Variants in MAST1 observed in about 807,000 individuals in gnomAD.
The protein encoded by MAST1 is microtubule associated serine/threonine kinase 1, also known as microtubule-associated serine/threonine-protein kinase 1.
Under a neutral mutation model 124.6 loss-of-function variants are expected in MAST1, and 40 were observed. The ratio of observed to expected loss-of-function variants is 0.32; its 90% confidence interval spans 0.25 to 0.42. MAST1 has a LOEUF of 0.42. Among genes scored for constraint, MAST1 ranks in the 10% least tolerant of loss-of-function variants. MAST1 has a pLI of 1.00. For synonymous variants in MAST1, 938 were observed against 939.4 expected, an observed-to-expected ratio of 1.00 and a Z score of 0.03; for missense variants, 1,558 against 2,181.9, an observed-to-expected ratio of 0.71 and a Z score of 5.70.
rs368832327 is a variant in MAST1 at position 12,867,658 on chromosome 19, C to A, written c.2318+6C>A. On this transcript the variant is annotated splice_donor_region_variant and intron_variant, in intron 19 of 25. Coordinates refer to ENST00000251472, the MANE Select transcript of MAST1 (RefSeq NM_014975.3). ...AGAGGGGGCTCTCCGGAGATGTGAG[C>A]AGGGGAATGGCGGAGTTTGGGGGCG... 2.5e-6 allele frequency: 4 copies of A among 1,577,066 alleles called. No homozygotes were observed. Among genetic ancestry groups the A allele is most frequent in the Non-Finnish European group, 3.4e-6 (4 of 1,162,038 alleles).
chr19:12,870,749 C>T lies in MAST1; in HGVS notation c.3004-75C>T. The stretch of plus-strand genomic sequence containing the variant: ...TTCTAATGCATGCAGAGCTAAGTGT[C>T]CTGCATATAAGTTTAGGAGCTTTCC... On this transcript the variant is annotated intron_variant, in intron 22 of 25. Coordinates refer to ENST00000251472, the MANE Select transcript of MAST1 (RefSeq NM_014975.3). 2.1e-6 allele frequency: 3 copies of T among 1,439,058 alleles called. No homozygotes were observed. In the South Asian group the frequency reaches 4.1e-5, roughly 20 times the overall value. 89.1% of individuals were successfully genotyped at this position (1,439,058 alleles called of 1,614,324 possible).
rs893142404 is a variant in MAST1 at position 12,867,744 on chromosome 19, C to T, written c.2333C>T (p.Ala778Val). Residue 778 changes from alanine to valine, a missense_variant, in exon 20 of 26, where the codon GCG becomes GTG. This residue lies in a region of MAST1 where 287 missense variants were observed against 308.0 expected (regional missense o/e 0.93). Transcript: ENST00000251472. ...GGSPEIKRFS[A>V]SEASFLEGEA... The stretch of plus-strand genomic sequence containing the variant: ...CCTCCATGCAGCAAGCGATTCTCCG[C>T]GTCCGAGGCCAGTTTCCTGGAGGGA... The T allele has an allele frequency of 1.1e-5, 17 of 1,532,066 alleles. No homozygotes were observed. The highest frequency in any genetic ancestry group is 1.2e-5 in the Non-Finnish European group (14 of 1,140,052). The allele number at this position is 1,532,066 out of a possible 1,614,324, so 94.9% of individuals were successfully genotyped here. A position where few individuals can be genotyped will look rare whatever the true frequency, so the allele number is the denominator to read the frequency against.
At chr19:12,852,287 G>A in intron 9 of MAST1, 40 bp downstream of exon 9, 1 of 1,614,042 alleles carries the variant, frequency 6.2e-7, no homozygotes, top group Non-Finnish European at 8.5e-7. Flanking sequence ...GGGTGAGCAG[G>A]CCCAGAACCC....
chr19:12,854,185 G>A (rs190155239), intron 10 of MAST1, among the ~76,000 whole-genome samples: 13 of 148,864 alleles, frequency 8.7e-5, no homozygotes, highest in Admixed American at 1.4e-4. Context: ...GTGCAATGGC[G>A]TGATCTCGGC....
At chr19:12,868,614 A>G in intron 20 of MAST1, 29 bp from the exon 21 acceptor site, 1 of 1,544,000 alleles carries the variant, frequency 6.5e-7, no homozygotes, top group Non-Finnish European at 8.8e-7. Flanking sequence ...CCTTGGACTA[A>G]TTCCTAACAC....
At position 12,868,486 on chromosome 19, in the gene MAST1, C is replaced by G. The variant is rs544407874; in HGVS notation, c.2567-157C>G. The stretch of plus-strand genomic sequence containing the variant: ...ATACAGACCGATACAGACTATGTCT[C>G]TATATGAGGAGCAGTGAGGCATGCA... On this transcript the variant is annotated intron_variant, in intron 20 of 25. Transcript: ENST00000251472. 31 of 626,808 alleles carry G rather than the reference C, an allele frequency of 4.9e-5. 1 individual carries two copies. In the South Asian group the frequency reaches 5.7e-4, roughly 12 times the overall value. The allele number at this position is 626,808 out of a possible 1,614,324, so 38.8% of individuals were successfully genotyped here. A position where few individuals can be genotyped will look rare whatever the true frequency, so the allele number is the denominator to read the frequency against.
At chr19:12,861,212 T>C (rs1396222551) in intron 12 of MAST1, among the ~76,000 whole-genome samples, 1 of 151,890 alleles carries the variant, frequency 6.6e-6, no homozygotes, top group Non-Finnish European at 1.5e-5. Flanking sequence ...AAGGCGCGCC[T>C]CCACCATGCC....
chr19:12,871,347 G>T (rs773494504), intron 24 of MAST1, among the ~76,000 whole-genome samples, 175 bp downstream of exon 24: 1 of 152,126 alleles, frequency 6.6e-6, no homozygotes, highest in Admixed American at 6.5e-5. Context: ...GGTGGCTCAC[G>T]CCTGTAACCC....
chr19:12,862,075 G>T (rs1970091317), intron 12 of MAST1, among the ~76,000 whole-genome samples: 1 of 150,164 alleles, frequency 6.7e-6, no homozygotes, highest in Non-Finnish European at 1.5e-5. Flanking sequence ...GGTGATCTCG[G>T]ATTACTGCAG....
Position 12,841,394 on chromosome 19 carries a change from C to G in MAST1, c.248+328C>G, listed in dbSNP as rs1476287274. On this transcript the variant is annotated intron_variant, in intron 3 of 25. Coordinates refer to ENST00000251472, the MANE Select transcript of MAST1 (RefSeq NM_014975.3). This position sits in a 1 kb window ranked among gnomAD's most constrained non-coding sequence, Gnocchi z 4.3. ...TTCCATAGCAACAGGACGGGGCAGC[C>G]AAGATGACGTGCGCAAGCGCAGATT... Among the ~76,000 whole-genome samples, 1 of 152,260 alleles carries G rather than the reference C, an allele frequency of 6.6e-6. No individual in the cohort carries two copies. Among genetic ancestry groups the G allele is most frequent in the Non-Finnish European group, 1.5e-5 (1 of 68,044 alleles).
intron 12 of MAST1, among the ~76,000 whole-genome samples, chr19:12,861,690 CTTTCTTT>C (rs1970085529): frequency 7.4e-6 from 1 of 134,944 alleles, no homozygotes; most frequent in African/African-American, 2.8e-5. Context: ...CTCTTTCTTT[CTTTCTTT>C]CTTTCTTTCT....
chr19:12,844,845 G>A (rs1411684047), intron 4 of MAST1, among the ~76,000 whole-genome samples: 2 of 152,124 alleles, frequency 1.3e-5, no homozygotes, highest in Non-Finnish European at 2.9e-5. Flanking sequence ...GGGAAGCCAT[G>A]GAATGGTTTT....
chr19:12,856,339 G>A (rs1201401615), intron 10 of MAST1, among the ~76,000 whole-genome samples: 1 of 121,154 alleles, frequency 8.3e-6, no homozygotes, highest in Admixed American at 9.0e-5. Flanking sequence ...TTCCACTCTT[G>A]TTGCCCAGGC....
Position 12,858,363 on chromosome 19 carries a change from G to A in MAST1, c.1079G>A (p.Gly360Asp). 1 of 1,613,062 alleles carries A rather than the reference G, an allele frequency of 6.2e-7. No homozygotes were observed. ...GTGGTCTCCATCTTTTTCCTGAAGG[G>A]CCGCAGCAGCAAGGCCAAGAAACCG... ...NTPEQDDLSE[G>D]RSSKAKKPPG... Residue 360 changes from glycine to aspartate, a missense_variant and splice_region_variant, in exon 11 of 26, where the codon GGC becomes GAC. Gly to Asp is a moderately conservative substitution (Grantham distance 94). Transcript: ENST00000251472.
intron 7 of MAST1, among the ~76,000 whole-genome samples, chr19:12,851,518 G>A (rs991944457): frequency 6.6e-6 from 1 of 150,862 alleles, no homozygotes; most frequent in African/African-American, 2.4e-5. Context: ...ACAGAGTCTC[G>A]CTGTGTCACC....
chr19:12,874,353 G>C lies in MAST1; in HGVS notation c.4196G>C (p.Gly1399Ala). The part of the protein sequence containing the change: ...TRHQSVQTED[G>A]TGGMARAVAK... ...CATCAGAGCGTGCAGACGGAGGATG[G>C]CACTGGCGGGATGGCCAGGGCTGTG... The change falls in exon 26 of 26, where the codon GGC becomes GCC. Residue 1399 changes from glycine to alanine, a missense_variant. Physicochemically the swap from Gly to Ala is moderately conservative, Grantham distance 60. Around this residue, in one of 10 missense-constraint regions of MAST1, gnomAD observed 263 missense variants for 310.9 expected, o/e 0.85. Transcript: ENST00000251472. The surrounding 1 kb of genome is among the most constrained non-coding windows in gnomAD (Gnocchi z 6.6). The C allele has an allele frequency of 6.3e-7, 1 of 1,597,758 alleles. No homozygotes were observed.
In MAST1 at chr19:12,865,956, T is replaced by C; in HGVS notation, c.1907-24T>C. 6.2e-7 allele frequency: 1 copy of C among 1,612,752 alleles called. No individual in the cohort carries two copies. The highest frequency in any genetic ancestry group is 8.5e-7 in the Non-Finnish European group (1 of 1,179,756). On this transcript the variant is annotated intron_variant, in intron 16 of 25. Transcript: ENST00000251472. This position sits in a 1 kb window ranked among gnomAD's most constrained non-coding sequence, Gnocchi z 7.1. ...GGGCTGCTGGGTTGGCCATCAGCTG[T>C]GGCTGGAATCCCTTCCGTCCCAGGC...
chr19:12,843,615 T>C lies in MAST1; in HGVS notation c.327+8T>C. 6.2e-7 allele frequency: 1 copy of C among 1,611,760 alleles called. No homozygotes were observed. The highest frequency in any genetic ancestry group is 1.7e-5 in the Admixed American group (1 of 59,740). ...CCCAGTTCCACCGTCTCGGTGAGTG[T>C]GGAAAGTAGGTGGGTGGGCCGGTGG... On this transcript the variant is annotated splice_region_variant and intron_variant, in intron 4 of 25. Transcript: ENST00000251472. This position sits in a 1 kb window ranked among gnomAD's most constrained non-coding sequence, Gnocchi z 4.9.
Position 12,874,256 on chromosome 19 carries a change from G to A in MAST1, c.4099G>A (p.Glu1367Lys). The change falls in exon 26 of 26, where the codon GAG (glutamate) becomes AAG (lysine). Residue 1367 changes from glutamate to lysine, a missense_variant. By Grantham distance (56) the Glu-to-Lys change is moderately conservative (BLOSUM62 1). This residue lies in a region of MAST1 where 263 missense variants were observed against 310.9 expected (regional missense o/e 0.85). Transcript: ENST00000251472. The surrounding 1 kb of genome is among the most constrained non-coding windows in gnomAD (Gnocchi z 6.6). ...SKEKESPGGA[E>K]ACTPPRATTP... The stretch of plus-strand genomic sequence containing the variant: ...GGAGAAGGAATCCCCGGGGGGCGCC[G>A]AGGCGTGCACCCCACCCCGCGCGAC... 8.9e-6 allele frequency: 14 copies of A among 1,574,870 alleles called. No individual in the cohort carries two copies. The highest frequency in any genetic ancestry group is 1.2e-5 in the Non-Finnish European group (14 of 1,165,180).
Sources: gnomAD v4.1 joint callset for allele counts (sites outside exome capture counted in the v4.1 genomes callset) on GRCh38, gnomAD v4.1.1 for gene constraint, gnomAD v4.1.1 regional missense constraint, Gnocchi (gnomAD v3.1) non-coding constraint, MANE v1.5 for transcripts, NCBI Gene and HGNC (gene_info 2026-07-23, HGNC 2026-07-21) for gene names.